CTIF: variants seen among roughly 807,000 people sequenced by gnomAD.
The protein encoded by CTIF is CBP80/20-dependent translation initiation factor.
Under a neutral mutation model 66.0 loss-of-function variants are expected in CTIF, and 21 were observed. The ratio of observed to expected loss-of-function variants is 0.32; its 90% CI spans 0.23 to 0.46. The LOEUF (loss-of-function observed/expected upper bound fraction) is 0.46. Ranked by LOEUF, CTIF falls within the 20% of genes least tolerant of loss-of-function variation. CTIF has a pLI of 1.00. For synonymous variants in CTIF, 345 were observed against 326.4 expected (o/e 1.06, Z -0.62); for missense variants, 739 against 812.7 (o/e 0.91, Z 1.10).
intron 6 of CTIF, among the ~76,000 whole-genome samples, chr18:48,703,328 G>A (rs2092108767): frequency 1.3e-5 from 2 of 152,330 alleles, no homozygotes; most frequent in South Asian, 4.1e-4. Context: ...GGAGCTGCAA[G>A]GTGTGCCTGG....
intron 9 of CTIF, among the ~76,000 whole-genome samples, chr18:48,768,014 C>T (rs1909739821): frequency 1.3e-5 from 2 of 152,088 alleles, no homozygotes; most frequent in South Asian, 2.1e-4. Context: ...GTGTGTGTTG[C>T]CCCCACTTCT....
chr18:48,757,301 T>C (rs1346201429), intron 7 of CTIF, among the ~76,000 whole-genome samples: 1 of 152,134 alleles, frequency 6.6e-6, no homozygotes, highest in Admixed American at 6.5e-5. Flanking sequence ...ATATGAAGTT[T>C]TGCGGGGTGG....
chr18:48,633,798 A>G (rs536325662), intron 2 of CTIF, among the ~76,000 whole-genome samples: 1 of 152,340 alleles, frequency 6.6e-6, no homozygotes, highest in East Asian at 1.9e-4. Flanking sequence ...GAATACATAC[A>G]TATTAGTTTT....
chr18:48,552,750 A>C (rs147360869), intron 1 of CTIF, among the ~76,000 whole-genome samples: 246 of 152,308 alleles, frequency 1.6e-3, no homozygotes, highest in African/African-American at 5.8e-3. Context: ...ACCCCAGGCC[A>C]CACAGCTAAG....
At chr18:48,698,581 C>T (rs182593491) in intron 6 of CTIF, among the ~76,000 whole-genome samples, 3 of 152,156 alleles carry the variant, frequency 2.0e-5, no homozygotes, top group East Asian at 1.9e-4. Flanking sequence ...TTTAGGTCTA[C>T]GACTTTATTT....
At chr18:48,778,106 G>T (rs928965787) in intron 9 of CTIF, among the ~76,000 whole-genome samples, 1 of 152,088 alleles carries the variant, frequency 6.6e-6, no homozygotes, top group African/African-American at 2.4e-5. Flanking sequence ...GCAGCCACCC[G>T]TTAGGATGTT....
At chr18:48,844,106 C>T (rs1169108295) in intron 10 of CTIF, among the ~76,000 whole-genome samples, 1 of 152,218 alleles carries the variant, frequency 6.6e-6, no homozygotes, top group Non-Finnish European at 1.5e-5. Flanking sequence ...AGGGGAACCT[C>T]AGAGCTGCCT....
At chr18:48,856,983 A>C (rs1232471308) in intron 10 of CTIF, among the ~76,000 whole-genome samples, 1 of 152,250 alleles carries the variant, frequency 6.6e-6, no homozygotes, top group Non-Finnish European at 1.5e-5. Context: ...CATGGACTGT[A>C]GCACGGCAGG....
At chr18:48,749,418 A>C (rs776065534) in intron 7 of CTIF, among the ~76,000 whole-genome samples, 1 of 152,220 alleles carries the variant, frequency 6.6e-6, no homozygotes, top group Non-Finnish European at 1.5e-5. Flanking sequence ...AACTATGCCC[A>C]AAGCTCAGCC....
chr18:48,695,294 G>C (rs2091989838), intron 6 of CTIF, among the ~76,000 whole-genome samples: 1 of 152,204 alleles, frequency 6.6e-6, no homozygotes, highest in African/African-American at 2.4e-5. Flanking sequence ...TCATTCATTT[G>C]TTCACTCCAT....
chr18:48,804,528 C>T (rs1005495698), intron 9 of CTIF, among the ~76,000 whole-genome samples: 1 of 152,152 alleles, frequency 6.6e-6, no homozygotes, highest in Admixed American at 6.5e-5. Context: ...TGCCAGGGGT[C>T]GGGGGCGGCC....
intron 1 of CTIF, among the ~76,000 whole-genome samples, chr18:48,588,632 G>A (rs563399718): frequency 4.0e-4 from 60 of 151,576 alleles, no homozygotes; most frequent in Non-Finnish European, 7.2e-4. Flanking sequence ...TGCCCGGCTC[G>A]CTCCACATCC....
At chr18:48,777,707 GTGT>G (rs1457787356) in intron 9 of CTIF, among the ~76,000 whole-genome samples, 3 of 152,242 alleles carry the variant, frequency 2.0e-5, no homozygotes, top group Non-Finnish European at 4.4e-5. Context: ...GGTTTGTCTA[GTGT>G]TGTTTATGTT....
At chr18:48,722,856 G>T (rs2092353208) in intron 7 of CTIF, among the ~76,000 whole-genome samples, 3 of 152,208 alleles carry the variant, frequency 2.0e-5, no homozygotes, top group African/African-American at 4.8e-5. Context: ...TGATGTAGCA[G>T]GCTGTGCATC....
At chr18:48,687,403 C>T (rs939919034) in intron 6 of CTIF, among the ~76,000 whole-genome samples, 1 of 151,160 alleles carries the variant, frequency 6.6e-6, no homozygotes, top group Non-Finnish European at 1.5e-5. Flanking sequence ...AAGCCCCAGT[C>T]GTCTGAGGGG....
chr18:48,621,346 C>T (rs2090490254), intron 2 of CTIF: 1 of 174,358 alleles, frequency 5.7e-6, no homozygotes, highest in African/African-American at 2.4e-5. Context: ...AAGGACCAGC[C>T]TGTGCCAGGG....
intron 9 of CTIF, among the ~76,000 whole-genome samples, chr18:48,797,693 C>T (rs1293965924): frequency 6.6e-6 from 1 of 152,120 alleles, no homozygotes; most frequent in Non-Finnish European, 1.5e-5. Flanking sequence ...AGTGCCCTTC[C>T]ACGTGTTCCT....
chr18:48,590,616 C>T (rs1404059555), intron 1 of CTIF, among the ~76,000 whole-genome samples: 1 of 152,206 alleles, frequency 6.6e-6, no homozygotes, highest in African/African-American at 2.4e-5. Context: ...TTCCCTGGAA[C>T]CATGCTGCCC....
intron 7 of CTIF, among the ~76,000 whole-genome samples, chr18:48,736,060 C>T (rs1371941572): frequency 6.6e-6 from 1 of 152,146 alleles, no homozygotes; most frequent in Non-Finnish European, 1.5e-5. Flanking sequence ...ACTGTTCCTT[C>T]CCGGAGTGTT....
Sources: gnomAD v4.1 joint callset for allele counts (sites outside exome capture counted in the v4.1 genomes callset) on GRCh38, gnomAD v4.1.1 for gene constraint, MANE v1.5 for transcripts, NCBI Gene and HGNC (gene_info 2026-07-23, HGNC 2026-07-21) for gene names.